Variants in MTHFD2L observed in about 807,000 individuals in gnomAD.
The protein encoded by MTHFD2L is bifunctional methylenetetrahydrofolate dehydrogenase/cyclohydrolase 2, mitochondrial.
Under a neutral mutation model 34.9 loss-of-function variants are expected in MTHFD2L, and 29 were observed. The observed-to-expected ratio is 0.83, with a 90% CI of 0.62 to 1.13. MTHFD2L has a LOEUF of 1.13. Ranked by LOEUF, MTHFD2L falls within the 50% of genes most tolerant of loss-of-function variation. MTHFD2L has a pLI of 0.00. For synonymous variants in MTHFD2L, 167 were observed against 155.7 expected, an observed-to-expected ratio of 1.07 and a Z score of -0.54; for missense variants, 481 against 446.5, an observed-to-expected ratio of 1.08 and a Z score of -0.70.
chr4:74,126,927 T>C (rs1722122305), intron 1 of MTHFD2L, among the ~76,000 whole-genome samples: 1 of 152,024 alleles, frequency 6.6e-6, no homozygotes, highest in East Asian at 1.9e-4. Flanking sequence ...AGGGACCCGG[T>C]GGGAGGTAAT....
At chr4:74,123,047 G>A (rs1354217082), upstream of MTHFD2L, among the ~76,000 whole-genome samples, 2 of 152,184 alleles carry the variant, frequency 1.3e-5, no homozygotes, top group African/African-American at 4.8e-5. Context: ...ATCAAATTGA[G>A]AGGTGTGTAC....
chr4:74,293,630 A>AACC, intron 7 of MTHFD2L: 1 of 521,864 alleles, frequency 1.9e-6, no homozygotes. Flanking sequence ...GTTCAATGGC[A>AACC]AGCTACTAAC....
Position 74,158,142 on chromosome 4 carries a change from A to G in MTHFD2L, c.4A>G (p.Thr2Ala), listed in dbSNP as rs1233410438. 2 of 1,531,480 alleles carry G rather than the reference A, an allele frequency of 1.3e-6. No homozygotes were observed. Among genetic ancestry groups the G allele is most frequent in the African/African-American group, 1.4e-5 (1 of 72,910 alleles). 94.9% of individuals were successfully genotyped at this position (1,531,480 alleles called of 1,614,324 possible). The change falls in exon 1 of 8, where the codon ACG becomes GCG. Residue 2 changes from threonine to alanine, a missense_variant. By Grantham distance (58) the Thr-to-Ala change is moderately conservative (BLOSUM62 0). Coordinates refer to ENST00000325278, the MANE Select transcript of MTHFD2L (RefSeq NM_001144978.3). The part of the protein sequence containing the change: M[T>A]VPVRGFSLLR... Reference sequence around the variant, plus strand: ...CGGAAGCCGGGGATCCGCGGCCATGACGGTGCCGGTCCGCGGCTTCTCGCT... The same window carrying G: ...CGGAAGCCGGGGATCCGCGGCCATGGCGGTGCCGGTCCGCGGCTTCTCGCT...
chr4:74,254,037 C>T lies in MTHFD2L; in HGVS notation c.806-27388C>T, dbSNP rs1235797964. On this transcript the variant is annotated intron_variant, in intron 6 of 7. Transcript: ENST00000325278. ...CAGGATGAGGTCCATGCCTTCAGAT[C>T]CAGGCACCAGGACTGCCTTACAGAA... is the stretch of plus-strand genomic sequence containing the variant. 3.3e-5 allele frequency among the ~76,000 whole-genome samples: 5 copies of T among 152,158 alleles called. No individual in the cohort carries two copies. In the East Asian group the frequency reaches 9.7e-4, roughly 29 times the overall value.
intron 3 of MTHFD2L, among the ~76,000 whole-genome samples, chr4:74,192,583 A>G (rs1732745555): frequency 6.6e-6 from 1 of 152,096 alleles, no homozygotes; most frequent in African/African-American, 2.4e-5. Flanking sequence ...ATGTAATCTA[A>G]ACCCCTATCA....
intron 4 of MTHFD2L, among the ~76,000 whole-genome samples, chr4:74,200,512 A>G (rs1734247672): frequency 6.6e-6 from 1 of 152,160 alleles, no homozygotes; most frequent in Non-Finnish European, 1.5e-5. Context: ...ATTTTTCTGT[A>G]CCTTTAAAAA....
At chr4:74,186,541 A>G (rs563777932) in intron 3 of MTHFD2L, among the ~76,000 whole-genome samples, 2 of 151,866 alleles carry the variant, frequency 1.3e-5, no homozygotes, top group South Asian at 4.2e-4. Flanking sequence ...TATTCTGTAT[A>G]CTTTCAACCA....
At chr4:74,150,402 C>T (rs985831813) in intron 1 of MTHFD2L, among the ~76,000 whole-genome samples, 4 of 152,106 alleles carry the variant, frequency 2.6e-5, no homozygotes, top group Non-Finnish European at 5.9e-5. Flanking sequence ...TACAGGCATG[C>T]GCCACCATGC....
At chr4:74,187,109 A>C (rs563991764) in intron 3 of MTHFD2L, among the ~76,000 whole-genome samples, 2 of 152,214 alleles carry the variant, frequency 1.3e-5, no homozygotes, top group African/African-American at 4.8e-5. Context: ...AGATATTCAA[A>C]TGCAAAAGAA....
At chr4:74,174,806 T>G in intron 2 of MTHFD2L, 116 bp downstream of exon 2, 1 of 678,938 alleles carries the variant, frequency 1.5e-6, no homozygotes, top group Non-Finnish European at 2.2e-6. Flanking sequence ...GCATGTATTA[T>G]TATTAAAGAT....
At chr4:74,134,933 G>T (rs1316780869) in intron 1 of MTHFD2L, among the ~76,000 whole-genome samples, 2 of 151,962 alleles carry the variant, frequency 1.3e-5, no homozygotes, top group Non-Finnish European at 2.9e-5. Context: ...AAGAAAAAAA[G>T]AATGAAAATG....
intron 5 of MTHFD2L, among the ~76,000 whole-genome samples, chr4:74,207,180 G>A (rs114180238): frequency 7.9e-5 from 12 of 152,182 alleles, no homozygotes; most frequent in African/African-American, 2.2e-4. Flanking sequence ...GATTACAGAC[G>A]TGAGCCACTG....
chr4:74,117,483 A>C (rs996031688), intron 2 of MTHFD2L, among the ~76,000 whole-genome samples: 1 of 152,206 alleles, frequency 6.6e-6, no homozygotes, highest in Non-Finnish European at 1.5e-5. Flanking sequence ...TAATCTGTAC[A>C]GGGAGGTGGA....
intron 5 of MTHFD2L, among the ~76,000 whole-genome samples, chr4:74,215,209 T>G (rs1169693128): frequency 2.0e-5 from 3 of 151,782 alleles, no homozygotes; most frequent in Non-Finnish European, 2.9e-5. Flanking sequence ...TGAACGGTTC[T>G]GTCTCACTGA....
intron 7 of MTHFD2L, among the ~76,000 whole-genome samples, chr4:74,285,984 C>A (rs1578724547): frequency 6.6e-6 from 1 of 152,124 alleles, no homozygotes; most frequent in African/African-American, 2.4e-5. Context: ...CCATTATGTT[C>A]TTTTCCTCAA....
intron 1 of MTHFD2L, among the ~76,000 whole-genome samples, chr4:74,131,930 T>A (rs559161391): frequency 6.6e-6 from 1 of 152,286 alleles, no homozygotes; most frequent in African/African-American, 2.4e-5. Flanking sequence ...GTGAAGGATG[T>A]GAACAGACAC....
upstream of MTHFD2L, among the ~76,000 whole-genome samples, chr4:74,155,854 G>A (rs891437122): frequency 2.7e-5 from 4 of 148,016 alleles, no homozygotes; most frequent in Non-Finnish European, 6.0e-5. Context: ...TGAAATACTT[G>A]TTTAAACAAA....
At position 74,174,694 on chromosome 4, in the gene MTHFD2L, GGT is replaced by G; in HGVS notation, c.328+11_328+12del. The G allele has an allele frequency of 6.8e-7, 1 of 1,473,602 alleles. No individual in the cohort carries two copies. Among genetic ancestry groups the G allele is most frequent in the Non-Finnish European group, 9.0e-7 (1 of 1,109,106 alleles). 91.3% of individuals were successfully genotyped at this position (1,473,602 alleles called of 1,614,324 possible). A position where few individuals can be genotyped will look rare whatever the true frequency, so the allele number is the denominator to read the frequency against. ...ATAAGAGCTGCCTCTGCTGTAGGTG[GGT>G]GTGTGTTTTAGTTGTAATTACTACT... On this transcript the variant is annotated splice_donor_5th_base_variant and intron_variant, in intron 2 of 7. Coordinates refer to ENST00000325278, the MANE Select transcript of MTHFD2L (RefSeq NM_001144978.3).
At position 74,281,442 on chromosome 4, in the gene MTHFD2L, A is replaced by G; in HGVS notation, c.823A>G (p.Thr275Ala). 6.2e-7 allele frequency: 1 copy of G among 1,612,346 alleles called. No homozygotes were observed. The highest frequency in any genetic ancestry group is 8.5e-7 in the Non-Finnish European group (1 of 1,179,044). Residue 275 changes from threonine (T) to alanine (A), a missense_variant, in exon 7 of 8, where the codon ACG becomes GCG. Physicochemically the swap from Thr to Ala is moderately conservative, Grantham distance 58. Transcript: ENST00000325278. ...GTTTTCAGGTATTCCAAAGTTGATT[A>G]CGTCTGATATGGTTAAAGAAGGTGC... ...IVAAGIPKLI[T>A]SDMVKEGAAV...
Sources: allele counts gnomAD v4.1 joint callset (sites outside exome capture counted in the v4.1 genomes callset), GRCh38; gene constraint gnomAD v4.1.1; transcripts MANE v1.5; gene names NCBI Gene and HGNC (gene_info 2026-07-23, HGNC 2026-07-21).